The following WDR7 variants were observed in gnomAD, a reference collection of about 807,000 sequenced individuals.
WDR7 encodes WD repeat-containing protein 7.
Under a neutral mutation model 169.4 loss-of-function variants are expected in WDR7, and 46 were observed. The observed-to-expected ratio is 0.27, with a 90% CI of 0.21 to 0.35. WDR7 has a LOEUF of 0.35. Among genes scored for constraint, WDR7 ranks in the 10% least tolerant of loss-of-function variants. The pLI is 1.00. For synonymous variants in WDR7, 612 were observed against 666.8 expected (o/e 0.92, Z 1.27); for missense variants, 1,534 against 1,859.3 (o/e 0.83, Z 3.22).
intron 16 of WDR7, among the ~76,000 whole-genome samples, chr18:56,762,609 T>C (rs2043995604): frequency 6.6e-6 from 1 of 152,068 alleles, no homozygotes; most frequent in Non-Finnish European, 1.5e-5. Flanking sequence ...TCCTTGTTTT[T>C]ATTCCTGATT....
At chr18:56,687,131 CTTGGCTATATGTAG>C (rs2025458704) in intron 7 of WDR7, among the ~76,000 whole-genome samples, 157 bp downstream of exon 7, 1 of 152,154 alleles carries the variant, frequency 6.6e-6, no homozygotes, top group African/African-American at 2.4e-5. Context: ...GAAGTTGGGA[CTTGGCTATATGTAG>C]TTGTCTTTTT....
At chr18:56,899,980 T>A (rs890167557) in intron 21 of WDR7, among the ~76,000 whole-genome samples, 1 of 151,590 alleles carries the variant, frequency 6.6e-6, no homozygotes, top group Admixed American at 6.6e-5. Flanking sequence ...GCTCCAAACC[T>A]GTAGATTTTC....
At chr18:56,803,264 A>G (rs1324563645) in intron 19 of WDR7, among the ~76,000 whole-genome samples, 1 of 152,178 alleles carries the variant, frequency 6.6e-6, no homozygotes, top group Non-Finnish European at 1.5e-5. Flanking sequence ...CTCATAGCAT[A>G]TTGTTGCCAA....
intron 26 of WDR7, among the ~76,000 whole-genome samples, chr18:56,992,056 A>G (rs1214443208): frequency 1.3e-5 from 2 of 152,256 alleles, no homozygotes; most frequent in Non-Finnish European, 2.9e-5. Context: ...CATGCTGTTT[A>G]ATTTTATAAA....
Position 56,704,226 on chromosome 18 carries a change from T to C in WDR7, c.1578+7764T>C, listed in dbSNP as rs921226962. On this transcript the variant is annotated intron_variant, in intron 12 of 27. Transcript: ENST00000254442. ...GTTTTCCAAATTTGTACTACTATTC[T>C]ATACTATTGTTTAAAGATAAAAAGT... is the stretch of plus-strand genomic sequence containing the variant. 2.0e-5 allele frequency among the ~76,000 whole-genome samples: 3 copies of C among 152,184 alleles called. No individual in the cohort carries two copies. In the South Asian group the frequency reaches 6.2e-4, roughly 32 times the overall value.
intron 26 of WDR7, among the ~76,000 whole-genome samples, chr18:57,017,519 G>C (rs1199340315): frequency 7.3e-6 from 1 of 137,130 alleles, no homozygotes; most frequent in African/African-American, 2.6e-5. Flanking sequence ...GTGTGTGTGT[G>C]TGATGTTCTG....
intron 21 of WDR7, among the ~76,000 whole-genome samples, chr18:56,912,835 C>T (rs111572302): frequency 2.6e-5 from 4 of 152,074 alleles, no homozygotes; most frequent in African/African-American, 9.7e-5. Flanking sequence ...ACATCCAGTT[C>T]CATGGCCTCT....
At chr18:56,868,390 C>A (rs563280604) in intron 20 of WDR7, among the ~76,000 whole-genome samples, 1 of 152,046 alleles carries the variant, frequency 6.6e-6, no homozygotes, top group African/African-American at 2.4e-5. Context: ...TTGGTAATGA[C>A]CCAGGTGAAA....
intron 20 of WDR7, among the ~76,000 whole-genome samples, chr18:56,824,589 T>A (rs916632133): frequency 6.6e-6 from 1 of 152,254 alleles, no homozygotes; most frequent in African/African-American, 2.4e-5. Context: ...ACATAGTTTA[T>A]ATCTCCTTAA....
chr18:56,679,135 G>A (rs539510306), intron 2 of WDR7, among the ~76,000 whole-genome samples, 197 bp from the exon 3 acceptor site: 1 of 152,318 alleles, frequency 6.6e-6, no homozygotes, highest in East Asian at 1.9e-4. Flanking sequence ...AGTGAAGCCA[G>A]CCAGGCCTGT....
intron 26 of WDR7, among the ~76,000 whole-genome samples, chr18:56,994,663 A>G (rs920199478): frequency 6.6e-6 from 1 of 152,254 alleles, no homozygotes; most frequent in African/African-American, 2.4e-5. Flanking sequence ...TGCTTTTAAA[A>G]TAAGTAGCAA....
intron 1 of WDR7, among the ~76,000 whole-genome samples, chr18:56,668,534 T>C (rs2025067826): frequency 6.6e-6 from 1 of 152,218 alleles, no homozygotes; most frequent in African/African-American, 2.4e-5. Flanking sequence ...GTCTATTTTA[T>C]TTATTATTGT....
intron 25 of WDR7, among the ~76,000 whole-genome samples, chr18:56,960,615 T>G (rs2047325449): frequency 6.6e-6 from 1 of 152,198 alleles, no homozygotes; most frequent in African/African-American, 2.4e-5. Flanking sequence ...GATGTAGATG[T>G]AGGCACAGTT....
intron 18 of WDR7, among the ~76,000 whole-genome samples, chr18:56,779,779 G>A (rs899414127): frequency 1.4e-4 from 22 of 152,248 alleles, no homozygotes; most frequent in African/African-American, 4.8e-4. Flanking sequence ...ACTGTTTGAT[G>A]AAGTCTTATA....
chr18:56,661,427 T>A (rs1475155713), intron 1 of WDR7, among the ~76,000 whole-genome samples: 1 of 152,244 alleles, frequency 6.6e-6, no homozygotes, highest in African/African-American at 2.4e-5. Context: ...TCAGCATCTA[T>A]GAATCACTTT....
the WDR7 span, chr18:57,035,257 C>T: frequency 6.6e-6 from 1 of 152,244 alleles, no homozygotes; most frequent in Non-Finnish European, 1.5e-5. Flanking sequence ...AACATGTACC[C>T]AACATAGCCA....
intron 20 of WDR7, among the ~76,000 whole-genome samples, chr18:56,820,359 A>AAAC (rs1555695956): frequency 5.5e-5 from 7 of 127,510 alleles, no homozygotes; most frequent in African/African-American, 2.5e-4. Flanking sequence ...AAAAAAAAAA[A>AAAC]AAAAACCACC....
chr18:56,831,466 TC>T (rs1489486834), intron 20 of WDR7, among the ~76,000 whole-genome samples: 1 of 152,026 alleles, frequency 6.6e-6, no homozygotes, highest in Non-Finnish European at 1.5e-5. Context: ...TGGTCTAGGT[TC>T]CAGCTGGCAG....
chr18:56,820,671 A>G (rs1013380943), intron 20 of WDR7, among the ~76,000 whole-genome samples: 7 of 152,136 alleles, frequency 4.6e-5, no homozygotes, highest in Non-Finnish European at 1.0e-4. Flanking sequence ...TATATTTTAA[A>G]TCTAATTCTT....
Sources: gnomAD v4.1 joint callset for allele counts (sites outside exome capture counted in the v4.1 genomes callset) on GRCh38, gnomAD v4.1.1 for gene constraint, MANE v1.5 for transcripts, NCBI Gene and HGNC (gene_info 2026-07-23, HGNC 2026-07-21) for gene names.